The following SUGCT variants were observed in gnomAD, a reference collection of about 807,000 sequenced individuals.
SUGCT encodes succinyl-CoA:glutarate-CoA transferase.
Under a neutral mutation model 55.0 loss-of-function variants are expected in SUGCT, and 41 were observed. That is an observed-to-expected ratio of 0.74 (90% CI 0.58 to 0.97). The LOEUF (loss-of-function observed/expected upper bound fraction) is 0.97, where lower values mean the gene tolerates loss of function less well. SUGCT is among the 50% of genes least tolerant of loss of function. The probability of loss-of-function intolerance (pLI) is 0.00; values close to 1 mark genes in which losing one functional copy is unlikely to be tolerated. For synonymous variants in SUGCT, 187 were observed against 200.4 expected (o/e 0.93, Z 0.56); for missense variants, 568 against 547.8 (o/e 1.04, Z -0.37).
intron 9 of SUGCT, among the ~76,000 whole-genome samples, chr7:40,336,597 C>T (rs1353572269): frequency 6.6e-6 from 1 of 151,990 alleles, no homozygotes; most frequent in Non-Finnish European, 1.5e-5. Context: ...TCATGATATC[C>T]CCTTTATCGT....
chr7:40,455,581 T>G (rs1210707685), intron 10 of SUGCT, among the ~76,000 whole-genome samples: 1 of 152,218 alleles, frequency 6.6e-6, no homozygotes, highest in Non-Finnish European at 1.5e-5. Flanking sequence ...GTTTTTGTCA[T>G]CTCAGAAAAC....
chr7:40,644,850 G>T (rs558316965), intron 12 of SUGCT, among the ~76,000 whole-genome samples: 1 of 152,152 alleles, frequency 6.6e-6, no homozygotes, highest in African/African-American at 2.4e-5. Context: ...GGGTTTACCC[G>T]AGTTGCTTTG....
At chr7:40,996,184 T>C in the SUGCT span, among the ~76,000 whole-genome samples, 3 of 152,180 alleles carry the variant, frequency 2.0e-5, no homozygotes, top group Admixed American at 6.5e-5. Flanking sequence ...GGCTTGAATT[T>C]TGGGGATTTG....
intron 9 of SUGCT, among the ~76,000 whole-genome samples, chr7:40,376,833 G>A (rs1784571809): frequency 6.6e-6 from 1 of 150,564 alleles, no homozygotes; most frequent in South Asian, 2.1e-4. Context: ...CATTCTTTTA[G>A]AACAGGTCTG....
At chr7:40,674,302 C>A (rs1802086722) in intron 12 of SUGCT, among the ~76,000 whole-genome samples, 1 of 152,210 alleles carries the variant, frequency 6.6e-6, no homozygotes, top group Non-Finnish European at 1.5e-5. Flanking sequence ...ATTGCCAAAT[C>A]TGATGCTTCA....
chr7:40,496,361 T>C lies in SUGCT; in HGVS notation c.1064T>C (p.Met355Thr). ...SGVPYGPINN[M>T]KNVFAEPQVL... ...GTCCCGTATGGCCCAATCAACAACA[T>C]GAAGAATGTATTTGCAGAACCTCAG... The change falls in exon 12 of 14, where the codon ATG becomes ACG. Residue 355 changes from methionine to threonine, a missense_variant. Coordinates refer to ENST00000335693, the MANE Select transcript of SUGCT (RefSeq NM_001193313.2). 2 of 1,612,684 alleles carry C rather than the reference T, an allele frequency of 1.2e-6. No individual in the cohort carries two copies. The highest frequency in any genetic ancestry group is 1.7e-6 in the Non-Finnish European group (2 of 1,179,114).
chr7:40,932,542 T>C, the SUGCT span, among the ~76,000 whole-genome samples: 1 of 151,686 alleles, frequency 6.6e-6, no homozygotes, highest in African/African-American at 2.4e-5. Flanking sequence ...TCTCCCATTA[T>C]TATTGTGTGG....
At chr7:40,218,155 G>A (rs989542238) in intron 6 of SUGCT, among the ~76,000 whole-genome samples, 1 of 152,196 alleles carries the variant, frequency 6.6e-6, no homozygotes, top group Admixed American at 6.5e-5. Context: ...AGAGGCTGCC[G>A]TGAGCTGACA....
the SUGCT span, among the ~76,000 whole-genome samples, chr7:41,000,221 TG>T: frequency 1.3e-5 from 2 of 152,032 alleles, no homozygotes; most frequent in Admixed American, 6.6e-5. Flanking sequence ...CACACACGCA[TG>T]GACATACAGA....
chr7:40,910,856 A>G, the SUGCT span, among the ~76,000 whole-genome samples: 1 of 152,194 alleles, frequency 6.6e-6, no homozygotes, highest in East Asian at 1.9e-4. Context: ...TTCCTTTTAC[A>G]TATAGAAATG....
chr7:40,899,455 G>A, the SUGCT span, among the ~76,000 whole-genome samples: 2 of 152,306 alleles, frequency 1.3e-5, no homozygotes, highest in East Asian at 3.9e-4. Context: ...CCTCTGTGAA[G>A]CATATAAAAA....
intron 12 of SUGCT, among the ~76,000 whole-genome samples, chr7:40,512,177 G>T (rs1163220614): frequency 6.6e-6 from 1 of 152,052 alleles, no homozygotes; most frequent in Non-Finnish European, 1.5e-5. Flanking sequence ...TTGAAAAATG[G>T]TGTATCACCA....
chr7:40,308,541 C>G (rs755234878), intron 8 of SUGCT, among the ~76,000 whole-genome samples: 1 of 152,134 alleles, frequency 6.6e-6, no homozygotes, highest in East Asian at 1.9e-4. Flanking sequence ...GATCCTTACC[C>G]AGGCCTGCAA....
At chr7:40,619,911 A>T (rs1377325075) in intron 12 of SUGCT, among the ~76,000 whole-genome samples, 1 of 152,104 alleles carries the variant, frequency 6.6e-6, no homozygotes, top group Non-Finnish European at 1.5e-5. Context: ...TTTCACTTTG[A>T]CTCTGACTTC....
At chr7:40,615,372 G>T (rs1798953156) in intron 12 of SUGCT, among the ~76,000 whole-genome samples, 1 of 152,066 alleles carries the variant, frequency 6.6e-6, no homozygotes, top group South Asian at 2.1e-4. Context: ...CATTTTTCCA[G>T]AACCTCTCAA....
chr7:40,913,214 G>C, the SUGCT span, among the ~76,000 whole-genome samples: 1 of 152,044 alleles, frequency 6.6e-6, no homozygotes, highest in African/African-American at 2.4e-5. Flanking sequence ...GTTTCACCAT[G>C]TTAGCCAGGA....
chr7:40,773,395 C>T (rs896088010), intron 13 of SUGCT, among the ~76,000 whole-genome samples: 1 of 152,172 alleles, frequency 6.6e-6, no homozygotes, highest in African/African-American at 2.4e-5. Flanking sequence ...TCCCAAAATG[C>T]TGTGATTACA....
At chr7:40,612,349 T>C (rs1324779936) in intron 12 of SUGCT, among the ~76,000 whole-genome samples, 3 of 152,160 alleles carry the variant, frequency 2.0e-5, no homozygotes, top group African/African-American at 7.2e-5. Context: ...GCTGAGACTT[T>C]AGTGAGGTTG....
At chr7:40,206,399 A>G (rs1485587149) in intron 6 of SUGCT, among the ~76,000 whole-genome samples, 4 of 152,224 alleles carry the variant, frequency 2.6e-5, no homozygotes, top group East Asian at 1.9e-4. Context: ...GAACCTCAGT[A>G]TATTTAATCA....
Sources: gnomAD v4.1 joint callset for allele counts (sites outside exome capture counted in the v4.1 genomes callset) on GRCh38, gnomAD v4.1.1 for gene constraint, MANE v1.5 for transcripts, NCBI Gene and HGNC (gene_info 2026-07-23, HGNC 2026-07-21) for gene names.